The following PEG3 variants were observed in gnomAD, a reference collection of about 807,000 sequenced individuals.
PEG3 encodes paternally-expressed gene 3 protein.
In PEG3, 23 loss-of-function variants were observed where a neutral mutation model predicts 35.5. The ratio of observed to expected loss-of-function variants is 0.65; its 90% CI spans 0.47 to 0.92. The LOEUF is 0.92. PEG3 is among the 40% of genes least tolerant of loss of function. The pLI is 0.00. For synonymous variants in PEG3, 707 were observed against 697.0 expected (o/e 1.01, Z -0.23); for missense variants, 1,960 against 1,985.3 (o/e 0.99, Z 0.24).
intron 9 of PEG3, 64 bp downstream of exon 9, chr19:56,817,682 A>G (rs1030074501): frequency 1.3e-6 from 2 of 1,551,032 alleles, no homozygotes; most frequent in Admixed American, 1.7e-5. Context: ...TGCAAAGTGT[A>G]GAAGTTCCTT....
chr19:56,823,102 C>A (rs2060658605), intron 5 of PEG3, among the ~76,000 whole-genome samples: 1 of 152,232 alleles, frequency 6.6e-6, no homozygotes, highest in Non-Finnish European at 1.5e-5. Flanking sequence ...CCACTTCAGA[C>A]TCTTTGCTGG....
At chr19:56,820,102 C>T (rs946751637) in intron 7 of PEG3, among the ~76,000 whole-genome samples, 1 of 152,148 alleles carries the variant, frequency 6.6e-6, no homozygotes, top group Non-Finnish European at 1.5e-5. Context: ...ATTGGTTGTT[C>T]GCTTTGTGTT....
chr19:56,818,502 A>T, intron 8 of PEG3, 98 bp downstream of exon 8: 1 of 1,242,900 alleles, frequency 8.0e-7, no homozygotes, highest in Non-Finnish European at 1.1e-6. Flanking sequence ...AAGTCCAAAT[A>T]TATTAATGTG....
In PEG3 at chr19:56,815,087, G is replaced by A; in HGVS notation, c.3355C>T (p.Leu1119Phe). ...CEDCGLGFVD[L>F]TDLTDHQKVH... ...TTCTGATGGTCTGTGAGGTCTGTGA[G>A]ATCCACAAAGCCCAGGCCACAGTCC... The change falls in exon 10 of 10, where the codon CTC becomes TTC. Residue 1119 changes from leucine to phenylalanine, a missense_variant. This residue lies in a region of PEG3 where 124 missense variants were observed against 179.6 expected (regional missense o/e 0.69). Coordinates refer to ENST00000326441, the MANE Select transcript of PEG3 (RefSeq NM_006210.3). 1 of 1,613,738 alleles carries A rather than the reference G, an allele frequency of 6.2e-7. No individual in the cohort carries two copies. The highest frequency in any genetic ancestry group is 8.5e-7 in the Non-Finnish European group (1 of 1,179,724).
At chr19:56,833,801 A>C (rs1214326150) in intron 2 of PEG3, 1 of 152,622 alleles carries the variant, frequency 6.6e-6, no homozygotes, top group East Asian at 1.9e-4. Flanking sequence ...GGGACTTTAG[A>C]GGGAAAATTT....
intron 2 of PEG3, among the ~76,000 whole-genome samples, chr19:56,827,812 C>A (rs755644083): frequency 6.6e-6 from 1 of 151,938 alleles, no homozygotes; most frequent in African/African-American, 2.4e-5. Flanking sequence ...AGTGCAAAAC[C>A]GGACACAGCA....
chr19:56,814,761 G>C lies in PEG3; in HGVS notation c.3681C>G (p.Cys1227Trp). ...NPALAGSAIR[C>W]LLCGQGFIHS... ...GAATGAAGCCTTGTCCACACAAAAG[G>C]CATCGAATGGCCGACCCAGCAAGAG... The change falls in exon 10 of 10, where the codon TGC becomes TGG. Residue 1227 changes from cysteine to tryptophan, a missense_variant. Coordinates refer to ENST00000326441, the MANE Select transcript of PEG3 (RefSeq NM_006210.3). This position sits in a 1 kb window ranked among gnomAD's most constrained non-coding sequence, Gnocchi z 5.8. 2 of 1,614,056 alleles carry C rather than the reference G, an allele frequency of 1.2e-6. No individual in the cohort carries two copies. The highest frequency in any genetic ancestry group is 1.7e-6 in the Non-Finnish European group (2 of 1,180,028).
intron 7 of PEG3, among the ~76,000 whole-genome samples, chr19:56,821,186 C>T (rs1001118468): frequency 1.3e-5 from 2 of 152,218 alleles, no homozygotes; most frequent in Non-Finnish European, 2.9e-5. Flanking sequence ...GATGAGGAAA[C>T]TTAAATTCAG....
chr19:56,815,420 G>A lies in PEG3; in HGVS notation c.3022C>T (p.Arg1008Cys), dbSNP rs116297129. ...TGAGGGTCAGTAGGGGCCAAGCTGC[G>A]AATGACAGACCATTCATAGTTTCTG... ...GSRNYEWSVI[R>C]SLAPTDPQTS... Residue 1008 changes from arginine (R) to cysteine (C), a missense_variant, in exon 10 of 10, where the codon CGC (arginine) becomes TGC (cysteine). By Grantham distance (180) the Arg-to-Cys change is radical (BLOSUM62 -3). Around this residue, in one of 5 missense-constraint regions of PEG3, gnomAD observed 798 missense variants for 782.4 expected, o/e 1.02. Coordinates refer to ENST00000326441, the MANE Select transcript of PEG3 (RefSeq NM_006210.3). 2.0e-5 allele frequency: 33 copies of A among 1,614,076 alleles called. No individual in the cohort carries two copies. Among genetic ancestry groups the A allele is most frequent in the African/African-American group, 2.0e-4 (15 of 75,052 alleles).
Position 56,812,945 on chromosome 19 carries a change from A to G in PEG3, c.*730T>C. ...GCCAATCCGTATATTGTAAAGCCTTACACAGTATTAGGTTCCAAAGTGTTG... is the reference window on the plus strand; with the variant it reads ...GCCAATCCGTATATTGTAAAGCCTTGCACAGTATTAGGTTCCAAAGTGTTG... On this transcript the variant is annotated 3_prime_UTR_variant, in exon 10 of 10. Transcript: ENST00000326441. 11 of 985,822 alleles carry G rather than the reference A, an allele frequency of 1.1e-5. No homozygotes were observed. The highest frequency in any genetic ancestry group is 1.3e-5 in the Non-Finnish European group (11 of 829,890). The allele number at this position is 985,822 out of a possible 1,614,324, so 61.1% of individuals were successfully genotyped here.
chr19:56,817,352 G>A lies in PEG3; in HGVS notation c.1090C>T (p.Arg364Trp), dbSNP rs1243900786. 35 of 1,613,504 alleles carry A rather than the reference G, an allele frequency of 2.2e-5. No individual in the cohort carries two copies. Among genetic ancestry groups the A allele is most frequent in the Middle Eastern group, 1.6e-4 (1 of 6,084 alleles). Reference protein sequence around the residue: ...LNKRESVIQQRVYEGNAFRGG... With the variant: ...LNKRESVIQQWVYEGNAFRGG... ...CTAAATGCATTCCCTTCATAAACCC[G>A]CTGCTGGATCACTGACTCCCTCTTG... Residue 364 changes from arginine to tryptophan, a missense_variant, in exon 10 of 10, where the codon CGG becomes TGG. By Grantham distance (101) the Arg-to-Trp change is moderately radical (BLOSUM62 -3). This residue lies in a region of PEG3 where 613 missense variants were observed against 577.1 expected (regional missense o/e 1.06). Coordinates refer to ENST00000326441, the MANE Select transcript of PEG3 (RefSeq NM_006210.3).
intron 3 of PEG3, among the ~76,000 whole-genome samples, chr19:56,825,552 G>T (rs1339605825): frequency 1.6e-5 from 2 of 127,894 alleles, no homozygotes; most frequent in Non-Finnish European, 3.4e-5. Flanking sequence ...TAAATGTAAA[G>T]ATTTTCAATC....
rs1385171912 is a variant in PEG3 at position 56,816,478 on chromosome 19, A to G, written c.1964T>C (p.Phe655Ser). 6.2e-7 allele frequency: 1 copy of G among 1,613,544 alleles called. No individual in the cohort carries two copies. Among genetic ancestry groups the G allele is most frequent in the Non-Finnish European group, 8.5e-7 (1 of 1,179,728 alleles). ...HQKIHTRGNP[F>S]ENKGKVCEET... ...CTCACACACTTTACCCTTGTTTTCAAATGGGTTCCCTCTAGTATGGATTTT... is the reference window on the plus strand; with the variant it reads ...CTCACACACTTTACCCTTGTTTTCAGATGGGTTCCCTCTAGTATGGATTTT... The change falls in exon 10 of 10, where the codon TTT (phenylalanine) becomes TCT (serine). Residue 655 changes from phenylalanine to serine, a missense_variant. This residue lies in a region of PEG3 where 798 missense variants were observed against 782.4 expected (regional missense o/e 1.02). Coordinates refer to ENST00000326441, the MANE Select transcript of PEG3 (RefSeq NM_006210.3).
Position 56,815,879 on chromosome 19 carries a change from A to G in PEG3, c.2563T>C (p.Ser855Pro), listed in dbSNP as rs751233906. 3.7e-6 allele frequency: 6 copies of G among 1,613,342 alleles called. No homozygotes were observed. The African/African-American group carries it at 8.0e-5, about 22-fold the overall frequency. ...RSHNGNELVE[S>P]NEKGESSIYI... ...ATGGAGGATTCTCCCTTCTCATTAG[A>G]TTCCACCAATTCATTTCCATTGTGA... Residue 855 changes from serine (S) to proline (P), a missense_variant, in exon 10 of 10, where the codon TCT becomes CCT. Physicochemically the swap from Ser to Pro is moderately conservative, Grantham distance 74 (BLOSUM62 -1). This residue lies in a region of PEG3 where 798 missense variants were observed against 782.4 expected (regional missense o/e 1.02). Transcript: ENST00000326441.
rs745946445 is a variant in PEG3 at position 56,811,728 on chromosome 19, G to A, written c.*1947C>T. On this transcript the variant is annotated 3_prime_UTR_variant, in exon 10 of 10. Coordinates refer to ENST00000326441, the MANE Select transcript of PEG3 (RefSeq NM_006210.3). ...CTGCCCCTCAGCTTTCCCGATGTCCGTTCCAACCTCAGTCCTTCCTATGCA... is the reference window on the plus strand; with the variant it reads ...CTGCCCCTCAGCTTTCCCGATGTCCATTCCAACCTCAGTCCTTCCTATGCA... The A allele has an allele frequency of 2.1e-5, 21 of 985,478 alleles. No individual in the cohort carries two copies. Among genetic ancestry groups the A allele is most frequent in the Admixed American group, 6.1e-5 (1 of 16,270 alleles). The allele number at this position is 985,478 out of a possible 1,614,324, so 61.0% of individuals were successfully genotyped here. A position where few individuals can be genotyped will look rare whatever the true frequency, so the allele number is the denominator to read the frequency against.
At position 56,817,533 on chromosome 19, in the gene PEG3, C is replaced by A; in HGVS notation, c.909G>T (p.Gly303=). The change falls in exon 10 of 10, where the codon GGG becomes GGT. Residue 303 remains glycine, a synonymous_variant. Coordinates refer to ENST00000326441, the MANE Select transcript of PEG3 (RefSeq NM_006210.3). ...PEAKKSTHRR[G]ICEDESSHGV... ...CGTGGGAAGATTCATCTTCACAAAT[C>A]CCCCGCCGGTGGGTTGATTTTTTGG... is the stretch of plus-strand genomic sequence containing the variant. 6.2e-7 allele frequency: 1 copy of A among 1,602,728 alleles called. No individual in the cohort carries two copies. The highest frequency in any genetic ancestry group is 8.5e-7 in the Non-Finnish European group (1 of 1,173,698).
chr19:56,826,269 G>T (rs2061021452), intron 3 of PEG3, 119 bp downstream of exon 3: 1 of 152,240 alleles, frequency 6.6e-6, no homozygotes, highest in South Asian at 2.1e-4. Flanking sequence ...AGGGAGACAG[G>T]CAAGGGCAGA....
Position 56,813,740 on chromosome 19 carries a change from C to A in PEG3, c.4702G>T (p.Val1568Phe), listed in dbSNP as rs191716523. Residue 1568 changes from valine (V) to phenylalanine (F), a missense_variant, in exon 10 of 10, where the codon GTC (valine) becomes TTC (phenylalanine). Val to Phe is a conservative substitution (Grantham distance 50, BLOSUM62 -1). This residue lies in a region of PEG3 where 416 missense variants were observed against 416.7 expected (regional missense o/e 1.00). Coordinates refer to ENST00000326441, the MANE Select transcript of PEG3 (RefSeq NM_006210.3). ...CGGTCATTGAAGAGCTGCCCACAGACGTCACATTTGAAGTACTTCTCATCA... is the reference window on the plus strand; with the variant it reads ...CGGTCATTGAAGAGCTGCCCACAGAAGTCACATTTGAAGTACTTCTCATCA... Reference protein sequence around the residue: ...QADEKYFKCDVCGQLFNDRLS... With the variant: ...QADEKYFKCDFCGQLFNDRLS... 1.9e-6 allele frequency: 3 copies of A among 1,614,090 alleles called. No individual in the cohort carries two copies. In the East Asian group the frequency reaches 6.7e-5, roughly 36 times the overall value.
chr19:56,812,745 A>C lies in PEG3; in HGVS notation c.*930T>G, dbSNP rs991091421. On this transcript the variant is annotated 3_prime_UTR_variant, in exon 10 of 10. Coordinates refer to ENST00000326441, the MANE Select transcript of PEG3 (RefSeq NM_006210.3). ...TGGTTGTAACCCATTCTTTAAAGGC[A>C]AAGATGTAAGATTTACAGGGAAAAG... 9.1e-6 allele frequency: 9 copies of C among 985,302 alleles called. No individual in the cohort carries two copies. The highest frequency in any genetic ancestry group is 1.1e-5 in the Non-Finnish European group (9 of 829,568). 61.0% of individuals were successfully genotyped at this position (985,302 alleles called of 1,614,324 possible).
Sources: gnomAD v4.1 joint callset for allele counts (sites outside exome capture counted in the v4.1 genomes callset) on GRCh38, gnomAD v4.1.1 for gene constraint, gnomAD v4.1.1 regional missense constraint, Gnocchi (gnomAD v3.1) non-coding constraint, MANE v1.5 for transcripts, NCBI Gene and HGNC (gene_info 2026-07-23, HGNC 2026-07-21) for gene names.